Variants in ANXA6 observed in about 807,000 individuals in gnomAD.
The protein encoded by ANXA6 is annexin A6, also known as 67 kDa calelectrin.
A neutral mutation model predicts 95.4 loss-of-function variants in ANXA6; 71 were observed. The observed-to-expected ratio is 0.74, with a 90% CI of 0.61 to 0.91. ANXA6 has a LOEUF of 0.91. Among genes scored for constraint, ANXA6 ranks in the 40% least tolerant of loss-of-function variants. The probability of loss-of-function intolerance (pLI) is 0.00; values close to 1 mark genes in which losing one functional copy is unlikely to be tolerated. For missense variants in ANXA6, 830 were observed against 876.4 expected, an observed-to-expected ratio of 0.95 and a Z score of 0.67; for synonymous variants, 289 against 315.9, an observed-to-expected ratio of 0.91 and a Z score of 0.90.
At chr5:151,102,530 CCT>C (rs1451444893) in intron 25 of ANXA6, among the ~76,000 whole-genome samples, 1 of 152,098 alleles carries the variant, frequency 6.6e-6, no homozygotes, top group African/African-American at 2.4e-5. Flanking sequence ...ACAGTGAAAC[CCT>C]GTCTGTACTA....
At chr5:151,149,791 T>C (rs1393032410) in intron 1 of ANXA6, among the ~76,000 whole-genome samples, 1 of 152,148 alleles carries the variant, frequency 6.6e-6, no homozygotes, top group Non-Finnish European at 1.5e-5. Flanking sequence ...GCCTGATCTC[T>C]TTTAACAATG....
intron 1 of ANXA6, among the ~76,000 whole-genome samples, chr5:151,149,582 G>A (rs558893899): frequency 6.6e-6 from 1 of 152,046 alleles, no homozygotes; most frequent in South Asian, 2.1e-4. Flanking sequence ...CACCTCCCGG[G>A]TTCAAGCGAT....
At position 151,110,610 on chromosome 5, in the gene ANXA6, A is replaced by G; in HGVS notation, c.1590+17T>C. The G allele has an allele frequency of 1.2e-6, 2 of 1,612,886 alleles. No individual in the cohort carries two copies. The highest frequency in any genetic ancestry group is 3.3e-5 in the Admixed American group (2 of 59,972). ...CTCAGAGGCCGTTAAAACCCAAATG[A>G]AGAACAGGACACTCACCAAGATCTC... On this transcript the variant is annotated intron_variant, in intron 21 of 25. Transcript: ENST00000354546.
intron 1 of ANXA6, chr5:151,155,534 A>G (rs1265282791): frequency 1.3e-5 from 2 of 152,214 alleles, no homozygotes; most frequent in Non-Finnish European, 2.9e-5. Flanking sequence ...TTATAGGCAT[A>G]AAGACACCCC....
intron 25 of ANXA6, among the ~76,000 whole-genome samples, chr5:151,102,794 CAG>C (rs1161340030): frequency 1.3e-5 from 2 of 152,018 alleles, no homozygotes; most frequent in Non-Finnish European, 2.9e-5. Flanking sequence ...GGCAAATCTA[CAG>C]AGACACAAAG....
chr5:151,123,362 T>C (rs1250300261), intron 15 of ANXA6, among the ~76,000 whole-genome samples: 2 of 152,162 alleles, frequency 1.3e-5, no homozygotes, highest in Non-Finnish European at 2.9e-5. Flanking sequence ...ATCTGTAACA[T>C]GAAGAGGCTG....
intron 14 of ANXA6, among the ~76,000 whole-genome samples, chr5:151,125,850 A>G (rs962266558): frequency 4.6e-5 from 7 of 152,148 alleles, no homozygotes; most frequent in African/African-American, 1.7e-4. Context: ...ATGGAGACAT[A>G]GAGGCCCAGA....
At chr5:151,157,080 TC>T (rs1190947977) in intron 1 of ANXA6, among the ~76,000 whole-genome samples, 1 of 152,162 alleles carries the variant, frequency 6.6e-6, no homozygotes, top group Non-Finnish European at 1.5e-5. Flanking sequence ...ATAGGAGGCC[TC>T]GGAGCCCCGT....
rs1458011772 is a variant in ANXA6 at position 151,139,387 on chromosome 5, T to G, written c.170A>C (p.Glu57Ala). ...GAGGGACTTGTAGCTCTGGCAGACC[T>G]CCTGCCTCTGCCTGTTGCTCCGTGA... ...ITSRSNRQRQ[E>A]VCQSYKSLYG... The change falls in exon 4 of 26, where the codon GAG becomes GCG. Residue 57 changes from glutamate to alanine, a missense_variant. By Grantham distance (107) the Glu-to-Ala change is moderately radical. Transcript: ENST00000354546. The G allele has an allele frequency of 1.2e-6, 2 of 1,613,406 alleles. No homozygotes were observed. The highest frequency in any genetic ancestry group is 1.7e-6 in the Non-Finnish European group (2 of 1,179,540).
Position 151,130,288 on chromosome 5 carries a change from A to G in ANXA6, c.796-759T>C, listed in dbSNP as rs149436456. On this transcript the variant is annotated intron_variant, in intron 11 of 25. Transcript: ENST00000354546. ...CTCACTCTGTTGTCCAGGCTAGAGTACAGTGGCGTGATCACATAGCACTGC... is the reference window on the plus strand; with the variant it reads ...CTCACTCTGTTGTCCAGGCTAGAGTGCAGTGGCGTGATCACATAGCACTGC... Among the ~76,000 whole-genome samples the G allele has an allele frequency of 8.3e-3, 1,256 of 150,994 alleles. 26 individuals carry two copies. Among genetic ancestry groups the G allele is most frequent in the African/African-American group, 0.029 (1,174 of 41,032 alleles).
intron 18 of ANXA6, among the ~76,000 whole-genome samples, chr5:151,118,571 C>T (rs544934660): frequency 1.3e-5 from 2 of 152,058 alleles, no homozygotes; most frequent in South Asian, 2.1e-4. Flanking sequence ...GTAGCTGGGG[C>T]TACAGGCGCA....
At chr5:151,148,753 T>C (rs4958442) in intron 1 of ANXA6, among the ~76,000 whole-genome samples, 95,738 of 151,884 alleles carry the variant, frequency 0.63, 30,423 homozygotes, top group East Asian at 0.87. Context: ...CTCACGAGTG[T>C]GACTGGGGCA....
chr5:151,113,209 T>C (rs1356319099), intron 20 of ANXA6, among the ~76,000 whole-genome samples: 1 of 152,174 alleles, frequency 6.6e-6, no homozygotes, highest in Admixed American at 6.5e-5. Flanking sequence ...GAGACCAGTC[T>C]GGCCAACATG....
rs755495231 is a variant in ANXA6, at chr5:151,108,446, G to T, written c.1780+9C>A. ...GCCCCCAGCCCTTCCCTTAGTCCCT[G>T]CCAGTTACCAATGGCCACAAATGCA... On this transcript the variant is annotated intron_variant, in intron 23 of 25. Coordinates refer to ENST00000354546, the MANE Select transcript of ANXA6 (RefSeq NM_001155.5). 2.5e-6 allele frequency: 4 copies of T among 1,612,098 alleles called. No homozygotes were observed. The Admixed American group carries it at 6.7e-5, about 27-fold the overall frequency.
At chr5:151,124,646 G>T (rs954021413) in intron 14 of ANXA6, among the ~76,000 whole-genome samples, 3 of 152,202 alleles carry the variant, frequency 2.0e-5, no homozygotes, top group Non-Finnish European at 4.4e-5. Flanking sequence ...AATTGGCTAG[G>T]CTCCCGCCTG....
At chr5:151,113,310 G>A (rs1276077223) in intron 20 of ANXA6, among the ~76,000 whole-genome samples, 1 of 152,138 alleles carries the variant, frequency 6.6e-6, no homozygotes. Flanking sequence ...GGTGAGGCAG[G>A]AGAATCACTT....
chr5:151,152,278 G>A (rs1183211124), intron 1 of ANXA6, among the ~76,000 whole-genome samples: 2 of 152,210 alleles, frequency 1.3e-5, no homozygotes, highest in South Asian at 2.1e-4. Flanking sequence ...AGCACAGTGC[G>A]TGGCACACAG....
intron 23 of ANXA6, among the ~76,000 whole-genome samples, chr5:151,106,960 A>G (rs1403805821): frequency 6.6e-6 from 1 of 152,188 alleles, no homozygotes; most frequent in Non-Finnish European, 1.5e-5. Flanking sequence ...AGGGAAATAC[A>G]CGAGGAGGGT....
intron 16 of ANXA6, among the ~76,000 whole-genome samples, chr5:151,122,506 C>T (rs1765196497): frequency 6.6e-6 from 1 of 152,210 alleles, no homozygotes; most frequent in Admixed American, 6.5e-5. Context: ...AGCTGAAGGA[C>T]ACTGTTTCCA....
Sources: allele counts gnomAD v4.1 joint callset (sites outside exome capture counted in the v4.1 genomes callset), GRCh38; gene constraint gnomAD v4.1.1; transcripts MANE v1.5; gene names NCBI Gene and HGNC (gene_info 2026-07-23, HGNC 2026-07-21).